The following TTC21B variants were observed in gnomAD, a reference collection of about 807,000 sequenced individuals.
The protein encoded by TTC21B is tetratricopeptide repeat protein 21B.
A neutral mutation model predicts 175.1 loss-of-function variants in TTC21B; 127 were observed. That is an observed-to-expected ratio of 0.73 (90% CI 0.63 to 0.84). The LOEUF is 0.84. Among genes scored for constraint, TTC21B ranks in the 40% least tolerant of loss-of-function variants. TTC21B has a pLI of 0.00. For synonymous variants in TTC21B, 524 were observed against 524.5 expected (o/e 1.00, Z 0.01); for missense variants, 1,561 against 1,558.3 (o/e 1.00, Z -0.03).
At chr2:165,876,273 C>T in intron 27 of TTC21B, 41 bp from the exon 28 acceptor site, 1 of 1,219,692 alleles carries the variant, frequency 8.2e-7, no homozygotes, top group African/African-American at 1.5e-5. Context: ...ATGGAGTACA[C>T]TGCTACTATT....
At chr2:165,951,861 C>A (rs1687771870) in intron 1 of TTC21B, among the ~76,000 whole-genome samples, 1 of 152,102 alleles carries the variant, frequency 6.6e-6, no homozygotes, top group Non-Finnish European at 1.5e-5. Flanking sequence ...TGTGGGATAG[C>A]AACATTTTGA....
At chr2:165,880,094 G>A (rs1684791471) in intron 27 of TTC21B, 1 of 154,316 alleles carries the variant, frequency 6.5e-6, no homozygotes, top group Admixed American at 6.4e-5. Context: ...CGTATGAGGA[G>A]AGAGGTTGGT....
chr2:165,943,482 G>A, intron 4 of TTC21B, 141 bp from the exon 5 acceptor site: 3 of 731,368 alleles, frequency 4.1e-6, no homozygotes, highest in Non-Finnish European at 6.7e-6. Context: ...AATTCTGTTA[G>A]TGAAATCACT....
chr2:165,942,432 C>T (rs898413658), intron 5 of TTC21B, among the ~76,000 whole-genome samples: 4 of 152,078 alleles, frequency 2.6e-5, no homozygotes, highest in Admixed American at 2.6e-4. Context: ...AATGTATGTC[C>T]GATCATGTTA....
chr2:165,915,861 A>G (rs567793767), intron 14 of TTC21B, among the ~76,000 whole-genome samples: 1 of 152,356 alleles, frequency 6.6e-6, no homozygotes, highest in South Asian at 2.1e-4. Context: ...TGATGAATCT[A>G]AAATGTCATT....
intron 19 of TTC21B, 101 bp from the exon 20 acceptor site, chr2:165,902,011 G>C (rs1685586161): frequency 7.6e-6 from 8 of 1,048,922 alleles, no homozygotes; most frequent in Non-Finnish European, 1.4e-6. Context: ...TAAACATTAT[G>C]AACCCTTGAT....
intron 5 of TTC21B, 25 bp from the exon 6 acceptor site, chr2:165,941,209 A>G: frequency 3.1e-6 from 5 of 1,613,386 alleles, no homozygotes; most frequent in Non-Finnish European, 4.2e-6. Context: ...AAAAAGTGAT[A>G]TCCAAACTGT....
chr2:165,905,852 A>C (rs1293143514), intron 19 of TTC21B, among the ~76,000 whole-genome samples: 2 of 152,086 alleles, frequency 1.3e-5, no homozygotes, highest in African/African-American at 4.8e-5. Context: ...GGTTGGTGCA[A>C]AAGTAATTGT....
In TTC21B at chr2:165,930,289, A is replaced by C. The variant is rs762885961; in HGVS notation, c.970T>G (p.Ser324Ala). 73 of 1,613,028 alleles carry C rather than the reference A, an allele frequency of 4.5e-5. No homozygotes were observed. The Admixed American group carries it at 8.2e-4, about 18-fold the overall frequency. The change falls in exon 9 of 29, where the codon TCA (serine) becomes GCA (alanine). Residue 324 changes from serine to alanine, a missense_variant. Physicochemically the swap from Ser to Ala is moderately conservative, Grantham distance 99. Transcript: ENST00000243344. ...ERAFSLNPQQ[S>A]EFATELGYQM... ...TATCCAAGTTCTGTAGCAAATTCTG[A>C]TTGCTGAGGGTTTAAACTAAAAGCT...
chr2:165,936,451 T>A (rs779023191), intron 6 of TTC21B, among the ~76,000 whole-genome samples: 2 of 151,648 alleles, frequency 1.3e-5, no homozygotes, highest in African/African-American at 2.4e-5. Flanking sequence ...AAAGAAAGAG[T>A]TGATAAGCTG....
At chr2:165,876,869 G>C (rs1339660373) in intron 27 of TTC21B, among the ~76,000 whole-genome samples, 1 of 152,176 alleles carries the variant, frequency 6.6e-6, no homozygotes, top group Admixed American at 6.6e-5. Flanking sequence ...CATGGATTAA[G>C]GCCAGTGGTA....
At chr2:165,938,715 G>A (rs993381404) in intron 6 of TTC21B, among the ~76,000 whole-genome samples, 5 of 151,862 alleles carry the variant, frequency 3.3e-5, no homozygotes, top group Non-Finnish European at 7.4e-5. Context: ...AACAGAAAAG[G>A]CAGGAAGAAG....
rs151309609 is a variant in TTC21B at position 165,913,617 on chromosome 2, C to T, written c.2168G>A (p.Arg723Gln). 3.1e-5 allele frequency: 50 copies of T among 1,612,848 alleles called. No individual in the cohort carries two copies. In the Admixed American group the frequency reaches 5.2e-4, roughly 17 times the overall value. Residue 723 changes from arginine to glutamine, a missense_variant, in exon 16 of 29, where the codon CGG becomes CAG. By Grantham distance (43) the Arg-to-Gln change is conservative (BLOSUM62 1). Coordinates refer to ENST00000243344, the MANE Select transcript of TTC21B (RefSeq NM_024753.5). ...REIAERMANP[R>Q]SFLLLGDAYM... ...TGCATCACCAAGGAGAAGAAAAGAC[C>T]GAGGGTTAGCCATTCTTTCAGCAAT...
At chr2:165,884,656 C>T (rs909274901) in intron 25 of TTC21B, among the ~76,000 whole-genome samples, 10 of 152,182 alleles carry the variant, frequency 6.6e-5, no homozygotes, top group Non-Finnish European at 1.3e-4. Context: ...GAGTCTGCAG[C>T]TTCCTAAAAC....
chr2:165,929,728 C>T lies in TTC21B; in HGVS notation c.1107G>A (p.Leu369=). The T allele has an allele frequency of 6.2e-7, 1 of 1,611,946 alleles. No homozygotes were observed. Among genetic ancestry groups the T allele is most frequent in the Admixed American group, 1.7e-5 (1 of 59,916 alleles). The change falls in exon 10 of 29, where the codon TTG becomes TTA. Residue 369 remains leucine, a synonymous_variant. Coordinates refer to ENST00000243344, the MANE Select transcript of TTC21B (RefSeq NM_024753.5). ...CTGCATCCTGTAATTGCCCTTCTAT[C>T]AACTGACATTGGATAAATCCTAAAA... ...SALVGFIQCQ[L]IEGQLQDADQ...
rs1255690785 is a variant in TTC21B, at chr2:165,929,121, C to T, written c.1386+14G>A. 2.5e-6 allele frequency: 4 copies of T among 1,607,794 alleles called. No homozygotes were observed. The African/African-American group carries it at 5.4e-5, about 22-fold the overall frequency. ...GTAAACGCATCCTTGAAAGTAAGTC[C>T]CATAATTACTTACCTGCATTGGACA... On this transcript the variant is annotated intron_variant, in intron 11 of 28. Transcript: ENST00000243344.
In TTC21B at chr2:165,953,769, C is replaced by T. The variant is rs886055031; in HGVS notation, c.-64G>A. On this transcript the variant is annotated 5_prime_UTR_variant, in exon 1 of 29. Coordinates refer to ENST00000243344, the MANE Select transcript of TTC21B (RefSeq NM_024753.5). ...TCTCGCCGCAGCCTAAAGGAAGACG[C>T]AGAATTCAGCTCCCCTAGCCTCCCG... 3.9e-6 allele frequency: 6 copies of T among 1,545,604 alleles called. No individual in the cohort carries two copies. Among genetic ancestry groups the T allele is most frequent in the Non-Finnish European group, 4.4e-6 (5 of 1,144,800 alleles).
chr2:165,883,620 C>A (rs1684904905), intron 26 of TTC21B, among the ~76,000 whole-genome samples, 174 bp downstream of exon 26: 1 of 152,084 alleles, frequency 6.6e-6, no homozygotes, highest in African/African-American at 2.4e-5. Flanking sequence ...CTTTAAAGGA[C>A]AAATGGCTTT....
intron 6 of TTC21B, 56 bp from the exon 7 acceptor site, chr2:165,933,113 C>A: frequency 6.5e-7 from 1 of 1,530,330 alleles, no homozygotes; most frequent in Non-Finnish European, 8.9e-7. Flanking sequence ...TTCTTTTATT[C>A]GAGGGCATGA....
Sources: gnomAD v4.1 joint callset for allele counts (sites outside exome capture counted in the v4.1 genomes callset) on GRCh38, gnomAD v4.1.1 for gene constraint, MANE v1.5 for transcripts, NCBI Gene and HGNC (gene_info 2026-07-23, HGNC 2026-07-21) for gene names.